The following ZNF385C variants were observed in gnomAD, a reference collection of about 807,000 sequenced individuals.
The protein encoded by ZNF385C is CTD-2132N18.2.
A neutral mutation model predicts 35.4 loss-of-function variants in ZNF385C; 28 were observed. The observed-to-expected ratio is 0.79, with a 90% CI of 0.59 to 1.08. ZNF385C has a LOEUF of 1.08. Ranked by LOEUF, ZNF385C falls within the 50% of genes least tolerant of loss-of-function variation. The probability of loss-of-function intolerance (pLI) is 0.00; values close to 1 mark genes in which losing one functional copy is unlikely to be tolerated. For synonymous variants in ZNF385C, 248 were observed against 248.2 expected (o/e 1.00, Z 0.01); for missense variants, 605 against 595.6 (o/e 1.02, Z -0.16).
intron 3 of ZNF385C, among the ~76,000 whole-genome samples, chr17:42,035,796 C>T (rs1027908406): frequency 6.6e-5 from 10 of 151,682 alleles, no homozygotes; most frequent in Non-Finnish European, 1.0e-4. Context: ...CAAAATGATC[C>T]GCCTGCCTTG....
chr17:42,037,160 C>T (rs1233116220), intron 3 of ZNF385C, among the ~76,000 whole-genome samples: 1 of 152,026 alleles, frequency 6.6e-6, no homozygotes, highest in Non-Finnish European at 1.5e-5. Flanking sequence ...ACCCAAGCCA[C>T]ACAAAAACAC....
chr17:42,031,176 C>A (rs1251310894), intron 5 of ZNF385C, among the ~76,000 whole-genome samples: 1 of 152,040 alleles, frequency 6.6e-6, no homozygotes, highest in Non-Finnish European at 1.5e-5. Flanking sequence ...GTAGCTGGGA[C>A]TACAGGTGTG....
At chr17:42,033,016 G>A (rs185648106) in intron 4 of ZNF385C, among the ~76,000 whole-genome samples, 6 of 152,026 alleles carry the variant, frequency 3.9e-5, no homozygotes, top group South Asian at 2.1e-4. Context: ...GAGCCACCAC[G>A]CCCAGCCTCT....
At chr17:42,058,458 G>C (rs533193409) in intron 2 of ZNF385C, among the ~76,000 whole-genome samples, 1 of 152,288 alleles carries the variant, frequency 6.6e-6, no homozygotes, top group Non-Finnish European at 1.5e-5. Flanking sequence ...CAGCCTCCCT[G>C]GAATGGCTGT....
At chr17:42,063,152 T>A (rs2053490626) in intron 1 of ZNF385C, 94 bp from the exon 2 acceptor site, 1 of 535,564 alleles carries the variant, frequency 1.9e-6, no homozygotes, top group Non-Finnish European at 3.3e-6. Context: ...CACGGGGCTC[T>A]GTATCCTCTA....
In ZNF385C at chr17:42,028,124, G is replaced by A. The variant is rs374681998; in HGVS notation, c.1090C>T (p.Arg364Trp). 2.0e-5 allele frequency: 33 copies of A among 1,612,820 alleles called. No homozygotes were observed. The highest frequency in any genetic ancestry group is 1.7e-4 in the Middle Eastern group (1 of 6,040). ...AKRVTGGRGG[R>W]QGPSPAFHCA... ...TGGAAGGCAGGGCTGGGCCCCTGCC[G>A]GCCGCCCCGGCCCCCTGTGACTCTC... The change falls in exon 7 of 9, where the codon CGG becomes TGG. Residue 364 changes from arginine to tryptophan, a missense_variant. Transcript: ENST00000692273.
intron 1 of ZNF385C, among the ~76,000 whole-genome samples, chr17:42,078,853 C>T (rs2143921191): frequency 6.6e-6 from 1 of 152,138 alleles, no homozygotes; most frequent in South Asian, 2.1e-4. Flanking sequence ...TTTGGAGGGA[C>T]TGCGGGGAAC....
intron 1 of ZNF385C, among the ~76,000 whole-genome samples, chr17:42,080,424 T>C (rs951231355): frequency 6.6e-6 from 1 of 152,172 alleles, no homozygotes; most frequent in Non-Finnish European, 1.5e-5. Context: ...TCCAGCAGGA[T>C]CCTCCCATCC....
At chr17:42,053,572 C>A (rs1267451700) in intron 2 of ZNF385C, among the ~76,000 whole-genome samples, 1 of 152,160 alleles carries the variant, frequency 6.6e-6, no homozygotes, top group African/African-American at 2.4e-5. Flanking sequence ...GCCCAGATGT[C>A]CAGCACCCCT....
rs1555654395 is a variant in ZNF385C, at chr17:42,027,612, A to G, written c.1275+6T>C. ...AGTCCCAGCTCTGTTGCCTGGAGACAGATACCTTGAGGATACTCACAGCCA... is the reference window on the plus strand; with the variant it reads ...AGTCCCAGCTCTGTTGCCTGGAGACGGATACCTTGAGGATACTCACAGCCA... On this transcript the variant is annotated splice_donor_region_variant and intron_variant, in intron 8 of 8. Coordinates refer to ENST00000692273, the MANE Select transcript of ZNF385C (RefSeq NM_001392013.1). The G allele has an allele frequency of 6.8e-7, 1 of 1,461,308 alleles. No individual in the cohort carries two copies. Among genetic ancestry groups the G allele is most frequent in the East Asian group, 3.1e-5 (1 of 32,112 alleles). 90.5% of individuals were successfully genotyped at this position (1,461,308 alleles called of 1,614,324 possible).
chr17:42,038,307 C>G, intron 2 of ZNF385C: 2 of 495,380 alleles, frequency 4.0e-6, no homozygotes, highest in Non-Finnish European at 7.2e-6. Flanking sequence ...GCCCTCGCCC[C>G]TCTCACTCTC....
intron 1 of ZNF385C, among the ~76,000 whole-genome samples, chr17:42,093,592 T>TTA (rs1292023684): frequency 2.6e-5 from 4 of 151,474 alleles, no homozygotes; most frequent in African/African-American, 9.7e-5. Flanking sequence ...TTTATTTTTT[T>TTA]TTTTTTGAGA....
intron 4 of ZNF385C, among the ~76,000 whole-genome samples, chr17:42,033,223 C>T (rs1555655130): frequency 6.6e-6 from 1 of 152,224 alleles, no homozygotes; most frequent in African/African-American, 2.4e-5. Context: ...AACCGAAACC[C>T]CAGATTGCCT....
chr17:42,059,535 A>G (rs2053429720), intron 2 of ZNF385C, among the ~76,000 whole-genome samples: 1 of 152,102 alleles, frequency 6.6e-6, no homozygotes, highest in Non-Finnish European at 1.5e-5. Flanking sequence ...GAAGAGGAAA[A>G]CCAGGTAGAG....
At chr17:42,027,836 G>T in intron 7 of ZNF385C, 108 bp from the exon 8 acceptor site, 1 of 1,306,964 alleles carries the variant, frequency 7.7e-7, no homozygotes, top group African/African-American at 1.5e-5. Context: ...TACATCCAAA[G>T]CACACAGACT....
At chr17:42,032,463 G>A (rs1555655080) in intron 4 of ZNF385C, among the ~76,000 whole-genome samples, 1 of 152,144 alleles carries the variant, frequency 6.6e-6, no homozygotes, top group Non-Finnish European at 1.5e-5. Flanking sequence ...AGAATTACAT[G>A]GGAACATGAA....
At position 42,050,119 on chromosome 17, in the gene ZNF385C, C is replaced by T. The variant is rs978290958; in HGVS notation, c.251-12234G>A. ...ACCAGGAGGGCACACTTGCTGCAGACACAGGTCTCCTCTCATTTCTCTCCA... is the reference window on the plus strand; with the variant it reads ...ACCAGGAGGGCACACTTGCTGCAGATACAGGTCTCCTCTCATTTCTCTCCA... On this transcript the variant is annotated intron_variant, in intron 2 of 8. Coordinates refer to ENST00000692273, the MANE Select transcript of ZNF385C (RefSeq NM_001392013.1). This position sits in a 1 kb window ranked among gnomAD's most constrained non-coding sequence, Gnocchi z 5.6. Among the ~76,000 whole-genome samples, 23 of 152,196 alleles carry T rather than the reference C, an allele frequency of 1.5e-4. No homozygotes were observed. The highest frequency in any genetic ancestry group is 5.1e-4 in the African/African-American group (21 of 41,444).
chr17:42,071,784 TCCTGCTCTC>T (rs1555658838), intron 1 of ZNF385C, among the ~76,000 whole-genome samples: 1 of 73,160 alleles, frequency 1.4e-5, no homozygotes, highest in African/African-American at 8.4e-5. Context: ...CTGCCTGCTC[TCCTGCTCTC>T]CCTGCCCAAT....
At chr17:42,043,571 TGAAA>T in intron 2 of ZNF385C, 1 of 417,656 alleles carries the variant, frequency 2.4e-6, no homozygotes, top group Non-Finnish European at 4.1e-6. Flanking sequence ...AGACTGGAGA[TGAAA>T]GAGACAGGCA....
Sources: gnomAD v4.1 joint callset for allele counts (sites outside exome capture counted in the v4.1 genomes callset) on GRCh38, gnomAD v4.1.1 for gene constraint, Gnocchi (gnomAD v3.1) non-coding constraint, MANE v1.5 for transcripts, NCBI Gene and HGNC (gene_info 2026-07-23, HGNC 2026-07-21) for gene names.